Variants in RABGAP1L observed in about 807,000 individuals in gnomAD.
RABGAP1L encodes RAB GTPase activating protein 1 like.
Under a neutral mutation model 137.7 loss-of-function variants are expected in RABGAP1L, and 63 were observed. The observed-to-expected ratio is 0.46, with a 90% CI of 0.37 to 0.56. The LOEUF is 0.56. Among genes scored for constraint, RABGAP1L ranks in the 20% least tolerant of loss-of-function variants. The pLI is 0.00. For synonymous variants in RABGAP1L, 431 were observed against 433.7 expected (o/e 0.99, Z 0.08); for missense variants, 1,095 against 1,244.0 (o/e 0.88, Z 1.80).
At chr1:174,479,127 C>A (rs1233641978) in intron 13 of RABGAP1L, among the ~76,000 whole-genome samples, 1 of 152,212 alleles carries the variant, frequency 6.6e-6, no homozygotes, top group African/African-American at 2.4e-5. Context: ...ACTTGGGGAT[C>A]TTGCTAAAAT....
intron 18 of RABGAP1L, among the ~76,000 whole-genome samples, chr1:174,794,734 A>C (rs1378731552): frequency 6.6e-6 from 1 of 152,196 alleles, no homozygotes; most frequent in Admixed American, 6.5e-5. Context: ...ACAAAGACAT[A>C]CCTACCTCAT....
chr1:174,675,753 G>T (rs1305718168), intron 14 of RABGAP1L, among the ~76,000 whole-genome samples: 3 of 152,110 alleles, frequency 2.0e-5, no homozygotes, highest in South Asian at 4.1e-4. Context: ...TTCAGGCCAC[G>T]TGCTGAATTA....
chr1:174,676,194 C>G (rs887184739), intron 14 of RABGAP1L, among the ~76,000 whole-genome samples: 11 of 152,068 alleles, frequency 7.2e-5, no homozygotes, highest in African/African-American at 2.7e-4. Context: ...AAAACAGAAG[C>G]TTCTATAGAC....
intron 13 of RABGAP1L, among the ~76,000 whole-genome samples, chr1:174,470,098 T>C (rs910788588): frequency 6.6e-6 from 1 of 152,170 alleles, no homozygotes; most frequent in Admixed American, 6.5e-5. Context: ...TTGAATTATT[T>C]TACCACTTGC....
chr1:174,256,169 A>G (rs1177038947), intron 7 of RABGAP1L, among the ~76,000 whole-genome samples: 1 of 152,206 alleles, frequency 6.6e-6, no homozygotes, highest in Non-Finnish European at 1.5e-5. Context: ...GAACATTTCC[A>G]CAGCCTTCCT....
intron 19 of RABGAP1L, among the ~76,000 whole-genome samples, chr1:174,953,393 T>C (rs1243156305): frequency 6.6e-6 from 1 of 152,220 alleles, no homozygotes; most frequent in Non-Finnish European, 1.5e-5. Flanking sequence ...TGAGTAATTA[T>C]TGTGCTCTGT....
chr1:174,939,675 A>G (rs760301481), intron 19 of RABGAP1L, among the ~76,000 whole-genome samples: 1 of 152,210 alleles, frequency 6.6e-6, no homozygotes, highest in Non-Finnish European at 1.5e-5. Context: ...CACAGAACAG[A>G]GGTAATTATT....
At chr1:174,663,998 C>T (rs181019709) in intron 14 of RABGAP1L, among the ~76,000 whole-genome samples, 495 of 152,152 alleles carry the variant, frequency 3.3e-3, no homozygotes, top group Middle Eastern at 0.01. Flanking sequence ...ATACACATTA[C>T]GTAAGCTTCA....
chr1:174,700,417 G>A (rs1679557181), intron 16 of RABGAP1L: 1 of 152,250 alleles, frequency 6.6e-6, no homozygotes. Context: ...ATTCCATATT[G>A]GGGAAGGGTA....
chr1:174,855,134 A>G (rs776523646), intron 19 of RABGAP1L, among the ~76,000 whole-genome samples: 3 of 152,190 alleles, frequency 2.0e-5, no homozygotes, highest in African/African-American at 7.2e-5. Flanking sequence ...AACAAATTAC[A>G]TAAAATCAGG....
At chr1:174,653,431 G>A (rs1193557551) in intron 14 of RABGAP1L, among the ~76,000 whole-genome samples, 3 of 152,174 alleles carry the variant, frequency 2.0e-5, no homozygotes, top group Admixed American at 6.5e-5. Flanking sequence ...AGGCATCCGA[G>A]GGAATGTCCT....
intron 18 of RABGAP1L, among the ~76,000 whole-genome samples, chr1:174,780,487 C>T (rs922464464): frequency 3.3e-5 from 5 of 152,148 alleles, no homozygotes; most frequent in Non-Finnish European, 7.3e-5. Context: ...TCTATTTTTA[C>T]ATTATCATCC....
intron 7 of RABGAP1L, among the ~76,000 whole-genome samples, chr1:174,270,836 C>CA (rs1674504282): frequency 6.6e-6 from 1 of 151,882 alleles, no homozygotes; most frequent in Admixed American, 6.6e-5. Flanking sequence ...GTTCTTAAAA[C>CA]AAAAAACCAT....
At chr1:174,162,975 GATATACCTA>G (rs1664624589) in intron 1 of RABGAP1L, among the ~76,000 whole-genome samples, 1 of 149,848 alleles carries the variant, frequency 6.7e-6, no homozygotes, top group Admixed American at 6.7e-5. Flanking sequence ...AGCATTGGGA[GATATACCTA>G]ATGCTAGATG....
intron 18 of RABGAP1L, among the ~76,000 whole-genome samples, chr1:174,775,663 C>T (rs1686473833): frequency 6.6e-6 from 1 of 152,128 alleles, no homozygotes; most frequent in Non-Finnish European, 1.5e-5. Context: ...GTCTACCCTA[C>T]TGACCTTTCA....
chr1:174,882,547 A>C (rs1219373499), intron 19 of RABGAP1L, among the ~76,000 whole-genome samples: 3 of 152,196 alleles, frequency 2.0e-5, no homozygotes, highest in Non-Finnish European at 4.4e-5. Flanking sequence ...TAAAGGCTTT[A>C]ATTGTTTATG....
chr1:174,889,369 G>A (rs1410769200), intron 19 of RABGAP1L, among the ~76,000 whole-genome samples: 6 of 151,776 alleles, frequency 4.0e-5, no homozygotes, highest in Admixed American at 2.0e-4. Context: ...TGGTCCGCCC[G>A]CCTCAGCCTC....
chr1:174,392,103 G>A (rs1006455807), intron 12 of RABGAP1L, among the ~76,000 whole-genome samples: 3 of 152,106 alleles, frequency 2.0e-5, no homozygotes, highest in Admixed American at 2.0e-4. Flanking sequence ...TATCTATGAT[G>A]TTTTTCCAAA....
intron 14 of RABGAP1L, among the ~76,000 whole-genome samples, chr1:174,681,557 G>A (rs1372926645): frequency 1.3e-5 from 2 of 152,210 alleles, no homozygotes. Context: ...GTTGCCTGGA[G>A]TGGAGGTGTT....
Sources: gnomAD v4.1 joint callset for allele counts (sites outside exome capture counted in the v4.1 genomes callset) on GRCh38, gnomAD v4.1.1 for gene constraint, MANE v1.5 for transcripts, NCBI Gene and HGNC (gene_info 2026-07-23, HGNC 2026-07-21) for gene names.